Variants in MACROD2 observed in about 807,000 individuals in gnomAD.
MACROD2 encodes the protein ADP-ribose glycohydrolase MACROD2.
In MACROD2, 36 loss-of-function variants were observed where a neutral mutation model predicts 70.4. The ratio of observed to expected loss-of-function variants is 0.51; its 90% CI spans 0.39 to 0.68. The LOEUF (loss-of-function observed/expected upper bound fraction) is 0.68. Ranked by LOEUF, MACROD2 falls within the 30% of genes least tolerant of loss-of-function variation. MACROD2 has a pLI of 0.00. For synonymous variants in MACROD2, 172 were observed against 178.8 expected (o/e 0.96, Z 0.30); for missense variants, 496 against 538.4 (o/e 0.92, Z 0.78).
At chr20:15,343,702 C>G (rs1283438256) in intron 6 of MACROD2, among the ~76,000 whole-genome samples, 3 of 152,094 alleles carry the variant, frequency 2.0e-5, no homozygotes, top group Non-Finnish European at 2.9e-5. Context: ...AAGAAGATAC[C>G]AAGCAGCTTT....
intron 3 of MACROD2, among the ~76,000 whole-genome samples, chr20:14,375,077 T>C (rs1884090183): frequency 6.6e-6 from 1 of 152,124 alleles, no homozygotes; most frequent in Non-Finnish European, 1.5e-5. Flanking sequence ...AAGGAAATTA[T>C]TTCCTCCCTT....
chr20:15,101,727 T>C (rs1322317738), intron 5 of MACROD2, among the ~76,000 whole-genome samples: 1 of 151,988 alleles, frequency 6.6e-6, no homozygotes, highest in African/African-American at 2.4e-5. Flanking sequence ...ATACGAATTA[T>C]AGACTCCTGG....
At chr20:14,653,695 T>C (rs923364810) in intron 4 of MACROD2, among the ~76,000 whole-genome samples, 2 of 152,180 alleles carry the variant, frequency 1.3e-5, no homozygotes, top group African/African-American at 2.4e-5. Context: ...TACAGCAGAC[T>C]GTGTTAAGAG....
intron 6 of MACROD2, among the ~76,000 whole-genome samples, chr20:15,339,364 A>G (rs1289401818): frequency 1.3e-5 from 2 of 151,856 alleles, no homozygotes; most frequent in Non-Finnish European, 2.9e-5. Context: ...TTTTCACTCT[A>G]AGACATCAAT....
chr20:14,820,547 G>A (rs537148806), intron 5 of MACROD2, among the ~76,000 whole-genome samples: 2 of 152,036 alleles, frequency 1.3e-5, no homozygotes, highest in East Asian at 3.9e-4. Flanking sequence ...TTCATCACCA[G>A]TGTAATTAAG....
intron 5 of MACROD2, among the ~76,000 whole-genome samples, chr20:14,967,891 G>C (rs1241915477): frequency 6.6e-6 from 1 of 152,070 alleles, no homozygotes; most frequent in Admixed American, 6.5e-5. Flanking sequence ...TTGTTACCAG[G>C]ATAAGGAAGA....
chr20:15,836,500 A>G (rs1317309387), intron 8 of MACROD2, among the ~76,000 whole-genome samples: 1 of 152,242 alleles, frequency 6.6e-6, no homozygotes, highest in African/African-American at 2.4e-5. Context: ...CTCTCCAGAT[A>G]TATAACAAAA....
At chr20:14,999,036 T>G (rs1218811202) in intron 5 of MACROD2, among the ~76,000 whole-genome samples, 4 of 152,122 alleles carry the variant, frequency 2.6e-5, no homozygotes, top group East Asian at 1.9e-4. Flanking sequence ...GTATCTCCAG[T>G]GAAAATATCC....
At chr20:14,119,568 C>T (rs544277404) in intron 3 of MACROD2, among the ~76,000 whole-genome samples, 2 of 152,254 alleles carry the variant, frequency 1.3e-5, no homozygotes, top group Admixed American at 6.5e-5. Context: ...AAATCCTAAA[C>T]AAGAGAATTG....
intron 6 of MACROD2, among the ~76,000 whole-genome samples, chr20:15,324,125 A>G (rs2077902027): frequency 6.6e-6 from 1 of 152,174 alleles, no homozygotes; most frequent in South Asian, 2.1e-4. Flanking sequence ...CCTCTAAAGT[A>G]ACATCAAGCA....
intron 5 of MACROD2, among the ~76,000 whole-genome samples, chr20:15,195,943 A>C (rs1402561082): frequency 6.6e-6 from 1 of 152,230 alleles, no homozygotes; most frequent in Non-Finnish European, 1.5e-5. Flanking sequence ...ATATAGATGG[A>C]GCTGGAAACT....
chr20:14,225,161 A>T (rs980086576), intron 3 of MACROD2, among the ~76,000 whole-genome samples: 1 of 152,182 alleles, frequency 6.6e-6, no homozygotes, highest in South Asian at 2.1e-4. Context: ...TCCTCTTCAG[A>T]ATAATTGCAA....
intron 8 of MACROD2, among the ~76,000 whole-genome samples, chr20:15,849,183 T>G (rs1226067816): frequency 6.6e-6 from 1 of 152,140 alleles, no homozygotes; most frequent in Non-Finnish European, 1.5e-5. Flanking sequence ...CAGAATGCTT[T>G]TGGTTTGTGC....
chr20:14,518,489 A>G (rs1167578264), intron 4 of MACROD2, among the ~76,000 whole-genome samples: 3 of 151,992 alleles, frequency 2.0e-5, no homozygotes, highest in Non-Finnish European at 4.4e-5. Context: ...GTTGTCCTGT[A>G]TTTGGTGTTT....
At chr20:14,337,858 A>C (rs2082966387) in intron 3 of MACROD2, among the ~76,000 whole-genome samples, 1 of 152,218 alleles carries the variant, frequency 6.6e-6, no homozygotes, top group Non-Finnish European at 1.5e-5. Context: ...TCTAAAGTTT[A>C]CTACAAGGCA....
chr20:15,762,752 C>T (rs1446688991), intron 8 of MACROD2, among the ~76,000 whole-genome samples: 1 of 152,220 alleles, frequency 6.6e-6, no homozygotes, highest in Non-Finnish European at 1.5e-5. Flanking sequence ...GTTCTGGTGA[C>T]TTGCTAATAA....
At chr20:15,405,178 T>C (rs1600364175) in intron 6 of MACROD2, among the ~76,000 whole-genome samples, 1 of 151,550 alleles carries the variant, frequency 6.6e-6, no homozygotes, top group East Asian at 1.9e-4. Context: ...TTTCTTTTTG[T>C]AGTCAAAAGT....
At chr20:15,825,615 T>G (rs982628136) in intron 8 of MACROD2, among the ~76,000 whole-genome samples, 3 of 152,006 alleles carry the variant, frequency 2.0e-5, no homozygotes, top group African/African-American at 7.2e-5. Context: ...ATAAAATGGT[T>G]TTTTAAAGCC....
intron 2 of MACROD2, chr20:14,052,062 G>A: frequency 2.5e-6 from 1 of 399,888 alleles, no homozygotes; most frequent in Admixed American, 2.9e-5. Context: ...ATGTTTTTAT[G>A]GGACAAAATA....
Sources: allele counts gnomAD v4.1 joint callset (sites outside exome capture counted in the v4.1 genomes callset), GRCh38; gene constraint gnomAD v4.1.1; transcripts MANE v1.5; gene names NCBI Gene and HGNC (gene_info 2026-07-23, HGNC 2026-07-21).